PPP1R12A: variants seen among roughly 807,000 people sequenced by gnomAD.
PPP1R12A encodes protein phosphatase 1 regulatory subunit 12A.
Under a neutral mutation model 139.6 loss-of-function variants are expected in PPP1R12A, and 19 were observed. The ratio of observed to expected loss-of-function variants is 0.14; its 90% CI spans 0.09 to 0.20. The LOEUF is 0.20. Ranked by LOEUF, PPP1R12A falls within the 10% of genes least tolerant of loss-of-function variation. PPP1R12A has a pLI of 1.00. For synonymous variants in PPP1R12A, 427 were observed against 420.6 expected (o/e 1.02, Z -0.19); for missense variants, 925 against 1,211.5 (o/e 0.76, Z 3.51).
chr12:79,928,382 T>C (rs1048909776), intron 1 of PPP1R12A, among the ~76,000 whole-genome samples: 2 of 152,188 alleles, frequency 1.3e-5, no homozygotes, highest in Non-Finnish European at 2.9e-5. Context: ...ACACCCCATA[T>C]ATGGCTAGGG....
At chr12:79,780,969 G>C (rs1372787537) in intron 23 of PPP1R12A, among the ~76,000 whole-genome samples, 1 of 151,716 alleles carries the variant, frequency 6.6e-6, no homozygotes, top group South Asian at 2.1e-4. Context: ...TTTTAAAATA[G>C]AATGGAAGAA....
At chr12:79,815,782 AATT>A (rs1348666748) in intron 9 of PPP1R12A, among the ~76,000 whole-genome samples, 3 of 152,190 alleles carry the variant, frequency 2.0e-5, no homozygotes, top group African/African-American at 4.8e-5. Context: ...AAGCATACAT[AATT>A]ATTATCATAT....
chr12:79,799,766 T>C (rs186627212), intron 14 of PPP1R12A, among the ~76,000 whole-genome samples: 23 of 152,150 alleles, frequency 1.5e-4, no homozygotes, highest in African/African-American at 5.1e-4. Flanking sequence ...TTCCAGCACA[T>C]TGGAAGGCTG....
intron 8 of PPP1R12A, 54 bp downstream of exon 8, chr12:79,820,720 T>A: frequency 6.3e-7 from 1 of 1,579,244 alleles, no homozygotes; most frequent in Non-Finnish European, 8.6e-7. Flanking sequence ...TCATCTTGTC[T>A]TATTTTACAC....
At chr12:79,906,636 T>C (rs1225141175) in intron 1 of PPP1R12A, among the ~76,000 whole-genome samples, 1 of 152,066 alleles carries the variant, frequency 6.6e-6, no homozygotes, top group Admixed American at 6.5e-5. Context: ...TATTTATTTA[T>C]AAATTTATTT....
rs1056421702 is a variant in PPP1R12A, at chr12:79,914,372, GATATA to G, written c.237+20318_237+20322del. Among the ~76,000 whole-genome samples the G allele has an allele frequency of 5.8e-4, 88 of 151,832 alleles. 2 individuals are homozygous for G. Among genetic ancestry groups the G allele is most frequent in the Admixed American group, 1.5e-3 (23 of 15,244 alleles). ...ATAATATAATCAGAATATTAACATT[GATATA>G]ATATACTGATATTCATATTTACCCA... On this transcript the variant is annotated intron_variant, in intron 1 of 24. Transcript: ENST00000450142.
At position 79,773,635 on chromosome 12, in the gene PPP1R12A, A is replaced by G. The variant is rs1291415411; in HGVS notation, c.*2294T>C. The G allele has an allele frequency of 6.6e-6, 1 of 152,216 alleles. No homozygotes were observed. Among genetic ancestry groups the G allele is most frequent in the Non-Finnish European group, 1.5e-5 (1 of 68,030 alleles). 9.4% of individuals were successfully genotyped at this position (152,216 alleles called of 1,614,324 possible). On this transcript the variant is annotated 3_prime_UTR_variant, in exon 25 of 25. Transcript: ENST00000450142. ...TCCAAATTGGTACACAGATTGCATA[A>G]ATATGGCAATTAAGATTGCATTTAC...
Position 79,798,500 on chromosome 12 carries a change from T to C in PPP1R12A, c.2085A>G (p.Ser695=), listed in dbSNP as rs191843321. 9 of 1,538,876 alleles carry C rather than the reference T, an allele frequency of 5.8e-6. No individual in the cohort carries two copies. The East Asian group carries it at 1.9e-4, about 32-fold the overall frequency. ...RSRQARQSRR[S]TQGVTLTDLQ... ...TTAATTACATTAACTATACCTGTGTTGATCTTCTAGATTGTCTTGCTTGTC... is the reference window on the plus strand; with the variant it reads ...TTAATTACATTAACTATACCTGTGTCGATCTTCTAGATTGTCTTGCTTGTC... The change falls in exon 15 of 25, where the codon TCA becomes TCG. Residue 695 remains serine (S), a synonymous_variant. Transcript: ENST00000450142.
chr12:79,796,907 G>T lies in PPP1R12A; in HGVS notation c.2336C>A (p.Thr779Asn). The change falls in exon 17 of 25, where the codon ACT becomes AAT. Residue 779 changes from threonine to asparagine, a missense_variant. Around this residue, in one of 4 missense-constraint regions of PPP1R12A, gnomAD observed 315 missense variants for 363.4 expected, o/e 0.87. Coordinates refer to ENST00000450142, the MANE Select transcript of PPP1R12A (RefSeq NM_002480.3). ...YRPVSTSSST[T>N]PSSSLSTMSS... Reference sequence around the variant, plus strand: ...CATAGTAGAAAGTGAAGAGGATGGAGTGGTTGAACTTGAAGTTGATACTGG... The same window carrying T: ...CATAGTAGAAAGTGAAGAGGATGGATTGGTTGAACTTGAAGTTGATACTGG... 6.2e-7 allele frequency: 1 copy of T among 1,612,762 alleles called. No homozygotes were observed. The highest frequency in any genetic ancestry group is 8.5e-7 in the Non-Finnish European group (1 of 1,179,160).
intron 1 of PPP1R12A, among the ~76,000 whole-genome samples, chr12:79,910,968 A>G (rs1285681510): frequency 2.6e-5 from 4 of 152,202 alleles, no homozygotes; most frequent in Non-Finnish European, 4.4e-5. Context: ...CTTCTTCAGT[A>G]AATAGAACAC....
chr12:79,802,269 C>T (rs965216095), intron 14 of PPP1R12A, among the ~76,000 whole-genome samples: 3 of 152,146 alleles, frequency 2.0e-5, no homozygotes, highest in African/African-American at 7.2e-5. Flanking sequence ...AGAGAATCCT[C>T]CACCCCTGAC....
intron 1 of PPP1R12A, among the ~76,000 whole-genome samples, chr12:79,915,568 CAT>C (rs572956742): frequency 6.6e-6 from 1 of 152,092 alleles, no homozygotes; most frequent in Admixed American, 6.5e-5. Flanking sequence ...ACTTACTTCT[CAT>C]ATGTCTGTCA....
At chr12:79,920,580 G>A (rs951158213) in intron 1 of PPP1R12A, among the ~76,000 whole-genome samples, 70 of 152,128 alleles carry the variant, frequency 4.6e-4, no homozygotes, top group Non-Finnish European at 1.9e-4. Context: ...TGATAGCTGG[G>A]GACTTTGGGA....
intron 3 of PPP1R12A, among the ~76,000 whole-genome samples, chr12:79,839,626 G>A (rs139779331): frequency 1.0e-3 from 157 of 152,188 alleles, no homozygotes; most frequent in Admixed American, 4.1e-3. Context: ...GAGTTCCCAC[G>A]AGATCTGACG....
At chr12:79,923,712 A>G (rs1294684007) in intron 1 of PPP1R12A, among the ~76,000 whole-genome samples, 1 of 152,218 alleles carries the variant, frequency 6.6e-6, no homozygotes, top group Non-Finnish European at 1.5e-5. Flanking sequence ...AAATTCACAT[A>G]CAACATTAAA....
chr12:79,810,491 G>A (rs773425708), intron 9 of PPP1R12A, among the ~76,000 whole-genome samples: 5 of 152,132 alleles, frequency 3.3e-5, no homozygotes, highest in Non-Finnish European at 7.4e-5. Flanking sequence ...CCACAGGCAT[G>A]ATAGGAGCAA....
intron 1 of PPP1R12A, among the ~76,000 whole-genome samples, chr12:79,887,165 A>G (rs746703681): frequency 1.9e-4 from 29 of 152,218 alleles, no homozygotes; most frequent in Non-Finnish European, 3.7e-4. Flanking sequence ...CAGCAAATAC[A>G]TAATACATAT....
At chr12:79,798,343 C>A in intron 15 of PPP1R12A, 151 bp downstream of exon 15, 1 of 467,030 alleles carries the variant, frequency 2.1e-6, no homozygotes. Flanking sequence ...GCAACCTTTA[C>A]CTTTTAAGGA....
intron 5 of PPP1R12A, among the ~76,000 whole-genome samples, chr12:79,824,288 A>G (rs185417502): frequency 4.6e-5 from 7 of 152,256 alleles, no homozygotes; most frequent in Admixed American, 2.0e-4. Context: ...AAGTGTGTTT[A>G]AGATTATGTT....
Sources: gnomAD v4.1 joint callset for allele counts (sites outside exome capture counted in the v4.1 genomes callset) on GRCh38, gnomAD v4.1.1 for gene constraint, gnomAD v4.1.1 regional missense constraint, MANE v1.5 for transcripts, NCBI Gene and HGNC (gene_info 2026-07-23, HGNC 2026-07-21) for gene names.